The following PTPRN2 variants were observed in gnomAD, a reference collection of about 807,000 sequenced individuals.
PTPRN2 encodes the protein receptor-type tyrosine-protein phosphatase N2.
PTPRN2 carries 74 observed loss-of-function variants against 118.8 expected under a neutral mutation model. That is an observed-to-expected ratio of 0.62 (90% CI 0.52 to 0.76). The LOEUF (loss-of-function observed/expected upper bound fraction) is 0.76. Ranked by LOEUF, PTPRN2 falls within the 30% of genes least tolerant of loss-of-function variation. The probability of loss-of-function intolerance (pLI) is 0.00; values close to 1 mark genes in which losing one functional copy is unlikely to be tolerated. For missense variants in PTPRN2, 1,481 were observed against 1,394.4 expected (o/e 1.06, Z -0.99); for synonymous variants, 641 against 608.0 (o/e 1.05, Z -0.80).
chr7:157,726,829 G>A (rs1051594920), intron 12 of PTPRN2, among the ~76,000 whole-genome samples: 2 of 152,156 alleles, frequency 1.3e-5, no homozygotes, highest in South Asian at 2.1e-4. Flanking sequence ...AAACCATCTC[G>A]TTCAGAAAAC....
intron 16 of PTPRN2, among the ~76,000 whole-genome samples, chr7:157,601,657 G>A (rs1019210629): frequency 3.3e-5 from 5 of 152,226 alleles, no homozygotes; most frequent in African/African-American, 7.2e-5. Flanking sequence ...TTTCCAGCTC[G>A]ACACAGTTGC....
intron 11 of PTPRN2, among the ~76,000 whole-genome samples, chr7:157,923,838 C>A (rs1585023476): frequency 6.6e-6 from 1 of 152,096 alleles, no homozygotes; most frequent in Non-Finnish European, 1.5e-5. Flanking sequence ...GGTTCTTTTG[C>A]TAAACTCAGG....
intron 14 of PTPRN2, among the ~76,000 whole-genome samples, chr7:157,640,768 A>G (rs968821812): frequency 6.6e-6 from 1 of 152,222 alleles, no homozygotes; most frequent in African/African-American, 2.4e-5. Context: ...ACAAGAGAAC[A>G]GGGTTTCAAG....
chr7:157,989,060 A>G lies in PTPRN2; in HGVS notation c.1724-90323T>C, dbSNP rs181348554. Among the ~76,000 whole-genome samples the G allele has an allele frequency of 7.9e-5, 12 of 152,352 alleles. No individual in the cohort carries two copies. In the South Asian group the frequency reaches 1.0e-3, roughly 13 times the overall value. On this transcript the variant is annotated intron_variant, in intron 11 of 22. Coordinates refer to ENST00000389418, the MANE Select transcript of PTPRN2 (RefSeq NM_002847.5). ...AGGAACTGACATTCTAAAGGTGCAG[A>G]TACCCCCGGGCTGGAGGCTGAATGG...
At chr7:157,556,090 G>A (rs1044946623) in intron 21 of PTPRN2, among the ~76,000 whole-genome samples, 5 of 152,188 alleles carry the variant, frequency 3.3e-5, no homozygotes, top group African/African-American at 7.2e-5. Context: ...AGCAAAACTC[G>A]GCTCAAGGTA....
intron 10 of PTPRN2, among the ~76,000 whole-genome samples, chr7:158,100,772 T>A (rs1815170195): frequency 6.6e-6 from 1 of 152,208 alleles, no homozygotes; most frequent in Non-Finnish European, 1.5e-5. Context: ...TAATGTGAGT[T>A]CTTTGTAGAG....
chr7:158,107,742 G>A (rs1184001952), intron 10 of PTPRN2, among the ~76,000 whole-genome samples: 2 of 152,100 alleles, frequency 1.3e-5, no homozygotes, highest in Admixed American at 6.5e-5. Context: ...CTGCAGTCAC[G>A]CTGTACCTGC....
chr7:158,478,582 C>T (rs943376440), intron 2 of PTPRN2, among the ~76,000 whole-genome samples: 28 of 152,180 alleles, frequency 1.8e-4, no homozygotes, highest in African/African-American at 5.8e-4. Flanking sequence ...CTGCTTTCAA[C>T]GCATCCCTGA....
At chr7:158,482,456 C>A (rs775278182) in intron 2 of PTPRN2, among the ~76,000 whole-genome samples, 1 of 152,318 alleles carries the variant, frequency 6.6e-6, no homozygotes, top group South Asian at 2.1e-4. Flanking sequence ...ATTAACACTG[C>A]GGCAAGACCC....
At chr7:157,588,817 C>T (rs914928115) in intron 17 of PTPRN2, among the ~76,000 whole-genome samples, 1 of 152,100 alleles carries the variant, frequency 6.6e-6, no homozygotes, top group Non-Finnish European at 1.5e-5. Flanking sequence ...GACACCCTGG[C>T]ACTACACATG....
At chr7:158,252,468 T>C (rs1325784298) in intron 3 of PTPRN2, among the ~76,000 whole-genome samples, 1 of 152,088 alleles carries the variant, frequency 6.6e-6, no homozygotes, top group Admixed American at 6.5e-5. Flanking sequence ...TGTGGGTTGG[T>C]GAGCACTCCA....
chr7:157,741,671 C>T (rs756750394), intron 12 of PTPRN2, among the ~76,000 whole-genome samples: 3 of 152,120 alleles, frequency 2.0e-5, no homozygotes, highest in Non-Finnish European at 4.4e-5. Flanking sequence ...ACTGGTTGTA[C>T]GTGGAGTCCT....
intron 2 of PTPRN2, among the ~76,000 whole-genome samples, chr7:158,478,032 C>A (rs1186167185): frequency 6.6e-6 from 1 of 152,196 alleles, no homozygotes; most frequent in African/African-American, 2.4e-5. Context: ...GACCGAGAGC[C>A]TGTGGGGCAG....
chr7:158,510,872 AACG>A (rs1823127669), intron 1 of PTPRN2, among the ~76,000 whole-genome samples: 1 of 152,198 alleles, frequency 6.6e-6, no homozygotes, highest in African/African-American at 2.4e-5. Flanking sequence ...CTTGCTGGGA[AACG>A]ACATGTGTCG....
intron 12 of PTPRN2, among the ~76,000 whole-genome samples, chr7:157,696,185 C>G (rs1443446143): frequency 1.4e-5 from 2 of 147,184 alleles, no homozygotes; most frequent in Non-Finnish European, 3.0e-5. Flanking sequence ...GGAGAGCCCT[C>G]ACCATCTACC....
intron 6 of PTPRN2, among the ~76,000 whole-genome samples, chr7:158,145,519 G>C (rs1262155682): frequency 1.3e-5 from 2 of 152,240 alleles, no homozygotes; most frequent in African/African-American, 4.8e-5. Context: ...GAGAAACTGA[G>C]GCTCCATGGT....
intron 11 of PTPRN2, among the ~76,000 whole-genome samples, chr7:157,996,061 A>C: frequency 6.6e-6 from 1 of 152,254 alleles, no homozygotes; most frequent in Non-Finnish European, 1.5e-5. Context: ...AAAAAGGATG[A>C]AGTCCTGTCT....
At chr7:157,809,098 A>G (rs1805809990) in intron 12 of PTPRN2, among the ~76,000 whole-genome samples, 1 of 142,228 alleles carries the variant, frequency 7.0e-6, no homozygotes, top group Admixed American at 6.7e-5. Context: ...AAAATAGTAC[A>G]TCAAAAACAT....
At chr7:158,456,643 C>A (rs1308612971) in intron 2 of PTPRN2, among the ~76,000 whole-genome samples, 2 of 152,288 alleles carry the variant, frequency 1.3e-5, no homozygotes, top group African/African-American at 4.8e-5. Context: ...CATCACTCTG[C>A]AGTGGCTCAT....
Sources: gnomAD v4.1 joint callset for allele counts (sites outside exome capture counted in the v4.1 genomes callset) on GRCh38, gnomAD v4.1.1 for gene constraint, MANE v1.5 for transcripts, NCBI Gene and HGNC (gene_info 2026-07-23, HGNC 2026-07-21) for gene names.